CLEC12A: variants seen among roughly 807,000 people sequenced by gnomAD.
CLEC12A encodes the protein C-type lectin domain family 12 member A.
CLEC12A carries 22 observed loss-of-function variants against 26.5 expected under a neutral mutation model. That is an observed-to-expected ratio of 0.83 (90% confidence interval 0.59 to 1.19). The LOEUF (loss-of-function observed/expected upper bound fraction) is 1.19. Ranked by LOEUF, CLEC12A falls within the 50% of genes most tolerant of loss-of-function variation. The pLI, the probability that CLEC12A is intolerant of heterozygous loss-of-function variation, is 0.00. For missense variants in CLEC12A, 353 were observed against 315.6 expected, an observed-to-expected ratio of 1.12 and a Z score of -0.90; for synonymous variants, 119 against 101.9, an observed-to-expected ratio of 1.17 and a Z score of -1.01.
In CLEC12A at chr12:9,962,253, CTTTTTTTTTTT is replaced by C. The variant is rs71049021; in HGVS notation, c.11-9316_11-9306del. On this transcript the variant is annotated intron_variant, in intron 1 of 6. Transcript: ENST00000355690. The stretch of plus-strand genomic sequence containing the variant: ...CCTTTTAATGTATAACCGGTTTTTT[CTTTTTTTTTTT>C]TTTTTTTGGATCCCAAGTGTGTGTT... Among the ~76,000 whole-genome samples the C allele has an allele frequency of 1.2e-3, 141 of 119,256 alleles. 2 individuals are homozygous for C. The highest frequency in any genetic ancestry group is 0.01 in the Middle Eastern group (2 of 200). The allele number at this position is 119,256 out of a possible 152,430, so 78.2% of individuals were successfully genotyped here.
At chr12:9,968,185 G>T (rs1864010578), upstream of CLEC12A, among the ~76,000 whole-genome samples, 1 of 152,144 alleles carries the variant, frequency 6.6e-6, no homozygotes, top group Non-Finnish European at 1.5e-5. Flanking sequence ...GTCATAGGTG[G>T]ATCTTTCTCA....
chr12:9,983,088 C>T (rs112745334), intron 5 of CLEC12A, among the ~76,000 whole-genome samples: 10 of 152,134 alleles, frequency 6.6e-5, no homozygotes, highest in African/African-American at 2.4e-4. Context: ...CATGACTTTG[C>T]TATTGTAAAT....
chr12:10,002,180 C>CTTTTT, the CLEC12A span, among the ~76,000 whole-genome samples: 1 of 152,056 alleles, frequency 6.6e-6, no homozygotes, highest in Non-Finnish European at 1.5e-5. Context: ...CGCGCCTGGC[C>CTTTTT]TAAAAAAATT....
At chr12:9,983,986 A>G (rs1864664384) in intron 5 of CLEC12A, 7 of 262,192 alleles carry the variant, frequency 2.7e-5, no homozygotes, top group South Asian at 2.5e-4. Flanking sequence ...TAGAATATGT[A>G]TGTGTTTGTA....
chr12:9,995,977 G>T (rs528151882), downstream of CLEC12A, among the ~76,000 whole-genome samples: 1 of 152,250 alleles, frequency 6.6e-6, no homozygotes, highest in East Asian at 1.9e-4. Context: ...GAAGGAATAA[G>T]TGAATCAATC....
chr12:9,976,201 C>A (rs1468892690), intron 1 of CLEC12A, among the ~76,000 whole-genome samples: 3 of 152,168 alleles, frequency 2.0e-5, no homozygotes, highest in African/African-American at 7.2e-5. Context: ...GAGAAGTGGA[C>A]CACCGTCCTC....
chr12:9,984,566 A>C (rs557770544), intron 5 of CLEC12A, among the ~76,000 whole-genome samples: 1 of 152,294 alleles, frequency 6.6e-6, no homozygotes, highest in Non-Finnish European at 1.5e-5. Context: ...ATGGAATGGT[A>C]TTATTCCAAA....
the CLEC12A span, among the ~76,000 whole-genome samples, chr12:10,001,675 A>G: frequency 6.6e-6 from 1 of 152,350 alleles, no homozygotes; most frequent in South Asian, 2.1e-4. Context: ...AAAATTAAGC[A>G]GAGAACTGCA....
Position 9,982,085 on chromosome 12 carries a change from C to T in CLEC12A, c.597C>T (p.Ser199=), listed in dbSNP as rs189824297. ...YWLGLSPEED[S]TRGMRVDNII... ...TGGGATTATCTCCTGAAGAAGATTC[C>T]ACTCGTGGTATGAGAGTGGATAATA... The change falls in exon 5 of 6, where the codon TCC becomes TCT. Residue 199 remains serine, a synonymous_variant. Coordinates refer to ENST00000304361, the MANE Select transcript of CLEC12A (RefSeq NM_138337.6). The T allele has an allele frequency of 4.4e-6, 7 of 1,600,740 alleles. No individual in the cohort carries two copies. In the Admixed American group the frequency reaches 8.4e-5, roughly 19 times the overall value.
intron 5 of CLEC12A, among the ~76,000 whole-genome samples, chr12:9,982,477 T>C (rs1021133114): frequency 6.6e-6 from 1 of 152,138 alleles, no homozygotes; most frequent in Non-Finnish European, 1.5e-5. Context: ...TATTGATTCA[T>C]CATTAAAGTT....
chr12:9,986,817 AAATT>A (rs1223652236), downstream of CLEC12A, among the ~76,000 whole-genome samples: 3 of 152,166 alleles, frequency 2.0e-5, no homozygotes, highest in African/African-American at 2.4e-5. Context: ...TCTCCAAAAA[AAATT>A]AATTAATTAA....
downstream of CLEC12A, among the ~76,000 whole-genome samples, chr12:9,996,541 GAAC>G (rs1359876218): frequency 2.6e-5 from 4 of 152,204 alleles, no homozygotes; most frequent in East Asian, 5.8e-4. Flanking sequence ...CAGCAAGTTA[GAAC>G]AACAGAGGAC....
At chr12:10,000,232 T>C (rs1039125394), downstream of CLEC12A, among the ~76,000 whole-genome samples, 1 of 152,260 alleles carries the variant, frequency 6.6e-6, no homozygotes, top group Non-Finnish European at 1.5e-5. Context: ...ATAGTGATTA[T>C]GTGGGCTGCA....
chr12:9,973,735 T>G (rs1042795850), intron 1 of CLEC12A, among the ~76,000 whole-genome samples: 2 of 152,216 alleles, frequency 1.3e-5, no homozygotes, highest in Non-Finnish European at 2.9e-5. Context: ...TATGTACTTA[T>G]GAAGGGACGG....
chr12:9,985,140 T>C lies in CLEC12A; in HGVS notation c.*114T>C. ...GAGTTTGTCTGAAGACCTGGGATTT[T>C]ATCATGCAGATGAAACATCCAGGTA... On this transcript the variant is annotated 3_prime_UTR_variant, in exon 6 of 6. Transcript: ENST00000304361. The C allele has an allele frequency of 8.6e-7, 1 of 1,168,318 alleles. No homozygotes were observed. The highest frequency in any genetic ancestry group is 1.1e-6 in the Non-Finnish European group (1 of 900,522). 72.4% of individuals were successfully genotyped at this position (1,168,318 alleles called of 1,614,324 possible).
chr12:10,002,170 C>T, the CLEC12A span, among the ~76,000 whole-genome samples: 258 of 152,202 alleles, frequency 1.7e-3, no homozygotes, highest in African/African-American at 5.9e-3. Flanking sequence ...CTTTAGCTAC[C>T]GCGCCTGGCC....
intron 1 of CLEC12A, among the ~76,000 whole-genome samples, chr12:9,960,996 G>A (rs1024791886): frequency 1.3e-5 from 2 of 152,188 alleles, no homozygotes; most frequent in African/African-American, 4.8e-5. Context: ...CAGCCCTCAG[G>A]AGGCCCTGCG....
intron 3 of CLEC12A, 147 bp from the exon 4 acceptor site, chr12:9,980,435 C>CAAAAA: frequency 1.6e-6 from 1 of 632,640 alleles, no homozygotes; most frequent in Non-Finnish European, 2.3e-6. Flanking sequence ...AAGACTCTGT[C>CAAAAA]AAAAAAAAAA....
chr12:9,978,670 C>T (rs1260516866), intron 1 of CLEC12A, among the ~76,000 whole-genome samples: 2 of 152,126 alleles, frequency 1.3e-5, no homozygotes, highest in Non-Finnish European at 2.9e-5. Flanking sequence ...CTGGTTTTCT[C>T]CATTCTCTAT....
Sources: allele counts gnomAD v4.1 joint callset (sites outside exome capture counted in the v4.1 genomes callset), GRCh38; gene constraint gnomAD v4.1.1; transcripts MANE v1.5; gene names NCBI Gene and HGNC (gene_info 2026-07-23, HGNC 2026-07-21).